Variants in ZNF322 observed in about 807,000 individuals in gnomAD.
ZNF322 encodes zinc finger protein 322.
In ZNF322, 1 loss-of-function variant was observed where a neutral mutation model predicts 18.3. The ratio of observed to expected loss-of-function variants is 0.05; its 90% confidence interval spans 0.02 to 0.26. The LOEUF (loss-of-function observed/expected upper bound fraction) is 0.26, where lower values mean the gene tolerates loss of function less well. ZNF322 is among the 10% of genes least tolerant of loss of function. The pLI is 1.00. For missense variants in ZNF322, 36 were observed against 403.6 expected (o/e 0.09, Z 7.80); for synonymous variants, 17 against 130.7 (o/e 0.13, Z 5.93).
chr6:26,654,993 C>T (rs1765742733), intron 2 of ZNF322, among the ~76,000 whole-genome samples: 1 of 152,138 alleles, frequency 6.6e-6, no homozygotes, highest in African/African-American at 2.4e-5. Flanking sequence ...AACATAACAT[C>T]ACTTCTGCGG....
At chr6:26,638,995 T>G (rs1765419144) in intron 3 of ZNF322, among the ~76,000 whole-genome samples, 1 of 152,172 alleles carries the variant, frequency 6.6e-6, no homozygotes, top group Non-Finnish European at 1.5e-5. Context: ...TTGCTTCAGT[T>G]GAGAAATCAA....
At position 26,645,409 on chromosome 6, in the gene ZNF322, A is replaced by C. The variant is rs1250665912; in HGVS notation, c.-245-1681T>G. ...TAGCAGTGGGCAAGACTGACCTAAA[A>C]TTCATTGCCAGAAAGAAAAACCCAC... On this transcript the variant is annotated intron_variant, in intron 2 of 3. Transcript: ENST00000415922. Among the ~76,000 whole-genome samples the C allele has an allele frequency of 2.0e-5, 3 of 152,172 alleles. No individual in the cohort carries two copies. The East Asian group carries it at 5.8e-4, about 29-fold the overall frequency.
chr6:26,646,581 G>A (rs926237267), intron 2 of ZNF322, among the ~76,000 whole-genome samples: 2 of 152,076 alleles, frequency 1.3e-5, no homozygotes, highest in East Asian at 3.8e-4. Flanking sequence ...ATTAATAATA[G>A]GAAAGCTTAA....
At chr6:26,639,934 G>A (rs1765438023) in intron 3 of ZNF322, among the ~76,000 whole-genome samples, 1 of 152,082 alleles carries the variant, frequency 6.6e-6, no homozygotes, top group Admixed American at 6.6e-5. Context: ...AGCTACCAGG[G>A]ATGACAAACT....
At chr6:26,656,364 A>G (rs1487052887) in intron 2 of ZNF322, among the ~76,000 whole-genome samples, 1 of 152,200 alleles carries the variant, frequency 6.6e-6, no homozygotes, top group African/African-American at 2.4e-5. Flanking sequence ...CCTAGGTCTC[A>G]GTAGATGCTT....
rs1227383351 is a variant in ZNF322, at chr6:26,634,671, C to G, written c.*2674G>C. On this transcript the variant is annotated 3_prime_UTR_variant, in exon 4 of 4. Transcript: ENST00000415922. ...CACCTTTTTCTCCCATGGTTAAAAG[C>G]CTTCAGCCTTGTTTCATACCCCCAT... 1.3e-5 allele frequency: 1 copy of G among 76,140 alleles called. No homozygotes were observed. The highest frequency in any genetic ancestry group is 5.3e-5 in the African/African-American group (1 of 18,730). 4.7% of individuals were successfully genotyped at this position (76,140 alleles called of 1,614,324 possible).
rs1554147999 is a variant in ZNF322, at chr6:26,638,347, T to C, written c.207A>G (p.Lys69=). 6.2e-7 allele frequency: 1 copy of C among 1,613,638 alleles called. No homozygotes were observed. Among genetic ancestry groups the C allele is most frequent in the African/African-American group, 1.3e-5 (1 of 74,902 alleles). Residue 69 remains lysine (K), a synonymous_variant, in exon 4 of 4, where the codon AAA becomes AAG. Transcript: ENST00000415922. ...IMCERTHTGE[K]PYKCDMCEKT... The stretch of plus-strand genomic sequence containing the variant: ...TCTCACACATATCACATTTATAAGG[T>C]TTCTCCCCAGTATGGGTTCTCTCAC...
chr6:26,645,492 G>A (rs555006641), intron 2 of ZNF322, among the ~76,000 whole-genome samples: 102 of 151,954 alleles, frequency 6.7e-4, no homozygotes, highest in Non-Finnish European at 1.2e-3. Flanking sequence ...AAGCCATTTA[G>A]GGTTCAATAC....
At chr6:26,656,058 G>GTA in intron 2 of ZNF322, among the ~76,000 whole-genome samples, 1 of 152,278 alleles carries the variant, frequency 6.6e-6, no homozygotes, top group East Asian at 1.9e-4. Context: ...TGAGTGAAGG[G>GTA]TATATGGGAG....
chr6:26,638,731 G>A lies in ZNF322; in HGVS notation c.-175-3C>T. ...TTCCTTACTTGGTATTTCCAACCCT[G>A]TGAGACAAAGTAGAAATATTATTTA... On this transcript the variant is annotated splice_polypyrimidine_tract_variant and splice_region_variant and intron_variant, in intron 3 of 3. Transcript: ENST00000415922. 3.1e-6 allele frequency: 3 copies of A among 979,550 alleles called. No homozygotes were observed. The highest frequency in any genetic ancestry group is 3.5e-4 in the Middle Eastern group (1 of 2,834). The allele number at this position is 979,550 out of a possible 1,614,324, so 60.7% of individuals were successfully genotyped here.
At chr6:26,647,903 G>A (rs1765585773) in intron 2 of ZNF322, among the ~76,000 whole-genome samples, 2 of 150,794 alleles carry the variant, frequency 1.3e-5, no homozygotes, top group South Asian at 4.2e-4. Context: ...TAAAGAGTCG[G>A]GGTCTTGCTC....
intron 2 of ZNF322, among the ~76,000 whole-genome samples, chr6:26,649,634 C>CATAT (rs1286908376): frequency 9.8e-4 from 92 of 93,748 alleles, no homozygotes; most frequent in South Asian, 2.3e-3. Context: ...TATATACATA[C>CATAT]ATATGTGTGT....
intron 3 of ZNF322, among the ~76,000 whole-genome samples, chr6:26,641,868 TG>T (rs1247950932): frequency 1.3e-5 from 2 of 152,080 alleles, no homozygotes; most frequent in African/African-American, 4.8e-5. Flanking sequence ...TATGGCCTCG[TG>T]GGAAGGGAAA....
chr6:26,641,767 G>T (rs1277494741), intron 3 of ZNF322, among the ~76,000 whole-genome samples: 1 of 152,156 alleles, frequency 6.6e-6, no homozygotes, highest in Non-Finnish European at 1.5e-5. Flanking sequence ...AAGTACCCAG[G>T]GACACAATGC....
chr6:26,649,671 GTGTGTATATATA>G (rs1238322015), intron 2 of ZNF322, among the ~76,000 whole-genome samples: 2 of 37,838 alleles, frequency 5.3e-5, no homozygotes, highest in Non-Finnish European at 4.7e-5. Context: ...GTGTGTGTGT[GTGTGTATATATA>G]TATATATATA....
intron 2 of ZNF322, among the ~76,000 whole-genome samples, chr6:26,651,736 C>A (rs1765673704): frequency 6.6e-6 from 1 of 152,102 alleles, no homozygotes. Flanking sequence ...AAAAAATTTA[C>A]AAACCCCAAA....
chr6:26,647,182 C>T (rs1251447984), intron 2 of ZNF322, among the ~76,000 whole-genome samples: 3 of 152,014 alleles, frequency 2.0e-5, no homozygotes, highest in Admixed American at 6.5e-5. Flanking sequence ...TACCTACAAT[C>T]CCAGTGCTTT....
intron 2 of ZNF322, among the ~76,000 whole-genome samples, chr6:26,654,645 A>G (rs1447377216): frequency 2.0e-5 from 3 of 152,190 alleles, no homozygotes; most frequent in Admixed American, 6.5e-5. Context: ...ATTTGTACTC[A>G]TTAAAAAAAA....
chr6:26,642,018 G>A (rs2113660034), intron 3 of ZNF322, among the ~76,000 whole-genome samples: 1 of 152,318 alleles, frequency 6.6e-6, no homozygotes, highest in African/African-American at 2.4e-5. Context: ...ATGTCTCGGT[G>A]TAAAACCCGA....
Sources: allele counts gnomAD v4.1 joint callset (sites outside exome capture counted in the v4.1 genomes callset), GRCh38; gene constraint gnomAD v4.1.1; transcripts MANE v1.5; gene names NCBI Gene and HGNC (gene_info 2026-07-23, HGNC 2026-07-21).